PTPRG: variants seen among roughly 807,000 people sequenced by gnomAD.
PTPRG encodes the protein receptor-type tyrosine-protein phosphatase gamma.
In PTPRG, 102 loss-of-function variants were observed where a neutral mutation model predicts 165.3. The observed-to-expected ratio is 0.62, with a 90% CI of 0.53 to 0.73. The LOEUF is 0.73. Among genes scored for constraint, PTPRG ranks in the 30% least tolerant of loss-of-function variants. The probability of loss-of-function intolerance (pLI) is 0.00; values close to 1 mark genes in which losing one functional copy is unlikely to be tolerated. For synonymous variants in PTPRG, 675 were observed against 669.5 expected (o/e 1.01, Z -0.13); for missense variants, 1,866 against 1,861.4 (o/e 1.00, Z -0.05).
Position 61,829,449 on chromosome 3 carries a change from A to G in PTPRG, c.190+80467A>G, listed in dbSNP as rs1316931771. On this transcript the variant is annotated intron_variant, in intron 2 of 29. Transcript: ENST00000474889. Reference sequence around the variant, plus strand: ...GGCTGGGGGCCATTTATCATGCCTCACTTAGCCCGATCACTGCCTTAAACG... The same window carrying G: ...GGCTGGGGGCCATTTATCATGCCTCGCTTAGCCCGATCACTGCCTTAAACG... Among the ~76,000 whole-genome samples, 6 of 152,334 alleles carry G rather than the reference A, an allele frequency of 3.9e-5. No homozygotes were observed. The South Asian group carries it at 8.3e-4, about 21-fold the overall frequency.
intron 2 of PTPRG, among the ~76,000 whole-genome samples, chr3:61,766,939 A>T (rs1425420607): frequency 6.6e-6 from 1 of 150,436 alleles, no homozygotes; most frequent in African/African-American, 2.4e-5. Flanking sequence ...ATTATTAAAC[A>T]TGTTACTTAG....
chr3:61,672,190 C>T (rs866898467), intron 1 of PTPRG, among the ~76,000 whole-genome samples: 4,742 of 135,720 alleles, frequency 0.035, 142 homozygotes, highest in African/African-American at 0.093. Context: ...CTCCTCACTT[C>T]CTAGATGGGA....
intron 1 of PTPRG, among the ~76,000 whole-genome samples, chr3:61,603,240 T>C (rs561124411): frequency 4.0e-5 from 6 of 151,470 alleles, no homozygotes; most frequent in Non-Finnish European, 8.8e-5. Flanking sequence ...CCAACACTCA[T>C]GTTGAATTGT....
intron 4 of PTPRG, among the ~76,000 whole-genome samples, chr3:62,025,430 G>C (rs774347730): frequency 1.3e-5 from 2 of 152,018 alleles, no homozygotes; most frequent in Non-Finnish European, 2.9e-5. Context: ...TAAATATAAT[G>C]GGAAAACCAT....
intron 1 of PTPRG, among the ~76,000 whole-genome samples, chr3:61,571,683 T>A (rs1320345549): frequency 6.6e-6 from 1 of 152,220 alleles, no homozygotes; most frequent in East Asian, 1.9e-4. Flanking sequence ...ATTGATTTGC[T>A]TTGTAATTTG....
At chr3:61,746,851 C>T (rs2033226455) in intron 1 of PTPRG, among the ~76,000 whole-genome samples, 1 of 152,140 alleles carries the variant, frequency 6.6e-6, no homozygotes. Flanking sequence ...ACTATGTTGT[C>T]GGACACTAAA....
At chr3:61,832,543 T>A (rs2036328747) in intron 2 of PTPRG, among the ~76,000 whole-genome samples, 2 of 152,168 alleles carry the variant, frequency 1.3e-5, no homozygotes, top group African/African-American at 4.8e-5. Context: ...TGTACAGCCT[T>A]CAGGGTATCA....
intron 1 of PTPRG, among the ~76,000 whole-genome samples, chr3:61,568,979 T>C (rs1699993002): frequency 6.6e-6 from 1 of 152,124 alleles, no homozygotes; most frequent in Admixed American, 6.5e-5. Flanking sequence ...ATGAGGTTTC[T>C]ATATGTGCCT....
Position 62,171,451 on chromosome 3 carries a change from G to A in PTPRG, c.1033+3288G>A, listed in dbSNP as rs77563883. ...TTTACATACCATAATATACAGCTAT[G>A]GTAAATGTATAATTTGATAATTTTA... On this transcript the variant is annotated intron_variant, in intron 8 of 29. Coordinates refer to ENST00000474889, the MANE Select transcript of PTPRG (RefSeq NM_002841.4). Among the ~76,000 whole-genome samples the A allele has an allele frequency of 4.6e-5, 7 of 152,176 alleles. No individual in the cohort carries two copies. In the East Asian group the frequency reaches 9.7e-4, roughly 21 times the overall value.
chr3:61,584,020 T>C (rs1160523706), intron 1 of PTPRG, among the ~76,000 whole-genome samples: 1 of 152,194 alleles, frequency 6.6e-6, no homozygotes, highest in Non-Finnish European at 1.5e-5. Flanking sequence ...AATCCTTTAA[T>C]AGTGGTTTCA....
At chr3:62,105,532 A>G (rs1446593173) in intron 5 of PTPRG, among the ~76,000 whole-genome samples, 9 of 152,148 alleles carry the variant, frequency 5.9e-5, no homozygotes, top group Non-Finnish European at 2.9e-5. Context: ...TTTGATTTTC[A>G]CCTCCTTACA....
rs569200366 is a variant in PTPRG, at chr3:61,860,242, C to T, written c.190+111260C>T. ...CTGCACTAAGAAGGGAATCCTTCCCCTAAATTTTAATATGTCCCCTAGTCA... is the reference window on the plus strand; with the variant it reads ...CTGCACTAAGAAGGGAATCCTTCCCTTAAATTTTAATATGTCCCCTAGTCA... On this transcript the variant is annotated intron_variant, in intron 2 of 29. Coordinates refer to ENST00000474889, the MANE Select transcript of PTPRG (RefSeq NM_002841.4). Among the ~76,000 whole-genome samples, 10 of 152,146 alleles carry T rather than the reference C, an allele frequency of 6.6e-5. 1 individual carries two copies. The South Asian group carries it at 2.1e-3, about 32-fold the overall frequency.
chr3:62,107,456 A>C (rs947444866), intron 5 of PTPRG, among the ~76,000 whole-genome samples: 3 of 152,270 alleles, frequency 2.0e-5, no homozygotes, highest in African/African-American at 7.2e-5. Context: ...TAACTCAAAC[A>C]AAATGTTTCT....
intron 6 of PTPRG, among the ~76,000 whole-genome samples, chr3:62,145,063 G>C (rs1428363593): frequency 1.3e-5 from 2 of 152,092 alleles, no homozygotes; most frequent in Non-Finnish European, 2.9e-5. Context: ...GCCTGCTAAA[G>C]TGCTTGGGAC....
At chr3:62,164,213 A>C (rs1508400) in intron 7 of PTPRG, among the ~76,000 whole-genome samples, 1 of 152,148 alleles carries the variant, frequency 6.6e-6, no homozygotes, top group African/African-American at 2.4e-5. Flanking sequence ...TGGTGGGCTT[A>C]TGGCACCTTT....
chr3:62,275,633 G>C (rs1702205364), intron 23 of PTPRG, among the ~76,000 whole-genome samples: 1 of 152,126 alleles, frequency 6.6e-6, no homozygotes, highest in African/African-American at 2.4e-5. Context: ...TTGTGCTGAT[G>C]CACCTGTGGT....
chr3:61,925,541 C>T (rs1032216101), intron 2 of PTPRG, among the ~76,000 whole-genome samples: 53 of 152,218 alleles, frequency 3.5e-4, no homozygotes, highest in Admixed American at 2.9e-3. Flanking sequence ...GTGAGGAGTT[C>T]GAGACCAGCC....
chr3:61,988,873 G>A (rs1237622621), intron 2 of PTPRG, among the ~76,000 whole-genome samples: 5 of 152,162 alleles, frequency 3.3e-5, no homozygotes, highest in Admixed American at 3.3e-4. Flanking sequence ...TGTGTTTTCT[G>A]TATTTATACC....
At chr3:62,067,784 A>G (rs1246538090) in intron 4 of PTPRG, among the ~76,000 whole-genome samples, 1 of 152,068 alleles carries the variant, frequency 6.6e-6, no homozygotes, top group Non-Finnish European at 1.5e-5. Context: ...CAATAATGTG[A>G]GCTATGAGGA....
Sources: allele counts gnomAD v4.1 joint callset (sites outside exome capture counted in the v4.1 genomes callset), GRCh38; gene constraint gnomAD v4.1.1; transcripts MANE v1.5; gene names NCBI Gene and HGNC (gene_info 2026-07-23, HGNC 2026-07-21).